The following CHST11 variants were observed in gnomAD, a reference collection of about 807,000 sequenced individuals.
CHST11 encodes carbohydrate sulfotransferase 11, also known as C4S-1.
In CHST11, 9 loss-of-function variants were observed where a neutral mutation model predicts 30.4. The observed-to-expected ratio is 0.30, with a 90% CI of 0.18 to 0.52. The LOEUF is 0.52. Ranked by LOEUF, CHST11 falls within the 20% of genes least tolerant of loss-of-function variation. The pLI, the probability that CHST11 is intolerant of heterozygous loss-of-function variation, is 0.97. For missense variants in CHST11, 348 were observed against 460.6 expected (o/e 0.76, Z 2.24); for synonymous variants, 152 against 187.8 (o/e 0.81, Z 1.56).
At chr12:104,498,632 AC>A (rs2037823971) in intron 1 of CHST11, among the ~76,000 whole-genome samples, 1 of 152,134 alleles carries the variant, frequency 6.6e-6, no homozygotes. Flanking sequence ...TCCCTATAGG[AC>A]CTTTTTCACT....
intron 1 of CHST11, among the ~76,000 whole-genome samples, chr12:104,551,784 G>T (rs972891200): frequency 6.6e-6 from 1 of 152,104 alleles, no homozygotes; most frequent in African/African-American, 2.4e-5. Context: ...AGTGGTGCGA[G>T]GTGGAAGGAG....
At chr12:104,582,388 G>C (rs1173149736) in intron 1 of CHST11, among the ~76,000 whole-genome samples, 3 of 152,192 alleles carry the variant, frequency 2.0e-5, no homozygotes, top group Admixed American at 6.5e-5. Context: ...AGTCATGTGT[G>C]TGTGCGTGTG....
chr12:104,521,112 T>A (rs1396131043), intron 1 of CHST11, among the ~76,000 whole-genome samples: 1 of 152,240 alleles, frequency 6.6e-6, no homozygotes, highest in Admixed American at 6.5e-5. Flanking sequence ...AGTTGCTCAA[T>A]ACATATTTGT....
intron 2 of CHST11, among the ~76,000 whole-genome samples, chr12:104,648,879 GGCAACAGAGAT>G (rs1417218571): frequency 6.6e-6 from 1 of 152,152 alleles, no homozygotes; most frequent in Non-Finnish European, 1.5e-5. Flanking sequence ...CCCTGAAACT[GGCAACAGAGAT>G]GAGCCATTGT....
At chr12:104,726,917 TG>T (rs2040221242) in intron 2 of CHST11, among the ~76,000 whole-genome samples, 1 of 152,158 alleles carries the variant, frequency 6.6e-6, no homozygotes, top group Non-Finnish European at 1.5e-5. Context: ...AGATAAATAT[TG>T]GTGGATAGAG....
chr12:104,566,403 ACT>A (rs779654961), intron 1 of CHST11, among the ~76,000 whole-genome samples: 12 of 152,204 alleles, frequency 7.9e-5, no homozygotes, highest in Middle Eastern at 6.8e-3. Flanking sequence ...AATGAAAGCC[ACT>A]CATAATGGAA....
At chr12:104,748,188 G>A (rs1282459916) in intron 2 of CHST11, among the ~76,000 whole-genome samples, 2 of 152,134 alleles carry the variant, frequency 1.3e-5, no homozygotes, top group African/African-American at 4.8e-5. Context: ...GGAGTCTGTC[G>A]GCAGCAGATG....
chr12:104,643,735 T>A (rs1352217226), intron 2 of CHST11, among the ~76,000 whole-genome samples: 1 of 152,206 alleles, frequency 6.6e-6, no homozygotes, highest in East Asian at 1.9e-4. Context: ...CTGGAATGGC[T>A]TATTCTAGAT....
chr12:104,583,723 T>G (rs919192131), intron 1 of CHST11, among the ~76,000 whole-genome samples: 4 of 356 alleles, frequency 0.011, no homozygotes, highest in Non-Finnish European at 0.067. Context: ...ATCTCTCTCT[T>G]TTTTTTGAGG....
intron 2 of CHST11, among the ~76,000 whole-genome samples, chr12:104,742,190 T>A (rs757799777): frequency 6.6e-6 from 1 of 152,120 alleles, no homozygotes; most frequent in Non-Finnish European, 1.5e-5. Context: ...CCTGAAGGGC[T>A]CAAGTGATTA....
chr12:104,597,264 A>G (rs1426715852), intron 1 of CHST11, among the ~76,000 whole-genome samples: 2 of 152,174 alleles, frequency 1.3e-5, no homozygotes, highest in African/African-American at 4.8e-5. Flanking sequence ...CCTGGGTCCA[A>G]GAAATCATAC....
intron 2 of CHST11, among the ~76,000 whole-genome samples, chr12:104,629,810 T>C (rs555114942): frequency 1.2e-4 from 19 of 152,206 alleles, no homozygotes; most frequent in Non-Finnish European, 2.4e-4. Context: ...CAAGAGTTAA[T>C]GGGACTCCAT....
chr12:104,758,181 C>T lies in CHST11; in HGVS notation c.*378C>T, dbSNP rs1287526691. ...ATCTTTCCAGAAGAAATCTATGATT[C>T]CTGCTTTGCTTGCTACAGCTCATTT... is the stretch of plus-strand genomic sequence containing the variant. On this transcript the variant is annotated 3_prime_UTR_variant, in exon 3 of 3. Coordinates refer to ENST00000303694, the MANE Select transcript of CHST11 (RefSeq NM_018413.6). 1 of 173,258 alleles carries T rather than the reference C, an allele frequency of 5.8e-6. No homozygotes were observed. The highest frequency in any genetic ancestry group is 1.2e-5 in the Non-Finnish European group (1 of 81,612). The allele number at this position is 173,258 out of a possible 1,614,324, so 10.7% of individuals were successfully genotyped here.
intron 2 of CHST11, among the ~76,000 whole-genome samples, chr12:104,707,351 G>A (rs1318329736): frequency 6.6e-6 from 1 of 152,206 alleles, no homozygotes; most frequent in African/African-American, 2.4e-5. Context: ...CGAATGGGCT[G>A]TGATATCACT....
rs138896320 is a variant in CHST11, at chr12:104,619,610, A to T, written c.204+17619A>T. Among the ~76,000 whole-genome samples, 1,356 of 152,230 alleles carry T rather than the reference A, an allele frequency of 8.9e-3. 20 individuals are homozygous for T. Among genetic ancestry groups the T allele is most frequent in the African/African-American group, 0.03 (1,250 of 41,542 alleles). ...TGATTCGGGGTCTCTTTCCTAATTA[A>T]CAAGAAGCCCTAAGTGAGTGAAAGC... On this transcript the variant is annotated intron_variant, in intron 2 of 2. Coordinates refer to ENST00000303694, the MANE Select transcript of CHST11 (RefSeq NM_018413.6).
intron 1 of CHST11, among the ~76,000 whole-genome samples, chr12:104,570,098 T>A (rs313317): frequency 0.27 from 40,734 of 151,982 alleles, 5,673 homozygotes; most frequent in Middle Eastern, 0.41. Flanking sequence ...TGAGCATCTG[T>A]AAGCTCGGCT....
rs377532609 is a variant in CHST11 at position 104,600,886 on chromosome 12, C to T, written c.119-1020C>T. Reference sequence around the variant, plus strand: ...TCCTTCTTTCCTTTCTTCCTTCCCTCCCTTCTTCCCTCCTTCCTCCTTCTC... The same window carrying T: ...TCCTTCTTTCCTTTCTTCCTTCCCTTCCTTCTTCCCTCCTTCCTCCTTCTC... On this transcript the variant is annotated intron_variant, in intron 1 of 2. Coordinates refer to ENST00000303694, the MANE Select transcript of CHST11 (RefSeq NM_018413.6). The surrounding 1 kb of genome is among the most constrained non-coding windows in gnomAD (Gnocchi z 4.1). Among the ~76,000 whole-genome samples the T allele has an allele frequency of 1.2e-4, 18 of 151,408 alleles. No homozygotes were observed. The highest frequency in any genetic ancestry group is 4.1e-4 in the African/African-American group (17 of 41,208).
chr12:104,654,960 G>A (rs983741203), intron 2 of CHST11, among the ~76,000 whole-genome samples: 1 of 152,178 alleles, frequency 6.6e-6, no homozygotes, highest in Non-Finnish European at 1.5e-5. Context: ...GAAGCATCTG[G>A]TCCTGTGTCT....
chr12:104,518,181 G>A (rs2038043303), intron 1 of CHST11, among the ~76,000 whole-genome samples: 3 of 152,130 alleles, frequency 2.0e-5, no homozygotes. Flanking sequence ...CCGCTACGTG[G>A]GAGGCTGAGG....
Sources: gnomAD v4.1 joint callset for allele counts (sites outside exome capture counted in the v4.1 genomes callset) on GRCh38, gnomAD v4.1.1 for gene constraint, Gnocchi (gnomAD v3.1) non-coding constraint, MANE v1.5 for transcripts, NCBI Gene and HGNC (gene_info 2026-07-23, HGNC 2026-07-21) for gene names.